NOVA1: variants seen among roughly 807,000 people sequenced by gnomAD.
NOVA1 encodes NOVA alternative splicing regulator 1, also known as RNA-binding protein Nova-1.
Under a neutral mutation model 38.0 loss-of-function variants are expected in NOVA1, and 7 were observed. That is an observed-to-expected ratio of 0.18 (90% CI 0.10 to 0.35). The LOEUF (loss-of-function observed/expected upper bound fraction) is 0.35, where lower values mean the gene tolerates loss of function less well. Among genes scored for constraint, NOVA1 ranks in the 10% least tolerant of loss-of-function variants. The pLI is 1.00. For missense variants in NOVA1, 460 were observed against 616.0 expected (o/e 0.75, Z 2.68); for synonymous variants, 270 against 232.5 (o/e 1.16, Z -1.47).
chr14:26,538,829 T>C (rs1481162727), intron 2 of NOVA1, among the ~76,000 whole-genome samples: 1 of 152,262 alleles, frequency 6.6e-6, no homozygotes, highest in East Asian at 1.9e-4. Flanking sequence ...TGATCTGGCC[T>C]GTACATTATC....
At chr14:26,547,087 T>G (rs1890837923) in intron 2 of NOVA1, among the ~76,000 whole-genome samples, 1 of 152,140 alleles carries the variant, frequency 6.6e-6, no homozygotes, top group Admixed American at 6.5e-5. Flanking sequence ...TTTTTCCTAT[T>G]ACAAATAGAA....
chr14:26,478,238 A>G (rs547233202), intron 3 of NOVA1, among the ~76,000 whole-genome samples: 1 of 152,082 alleles, frequency 6.6e-6, no homozygotes, highest in South Asian at 2.1e-4. Flanking sequence ...GCCATATAGC[A>G]AATTAGAATT....
rs796116248 is a variant in NOVA1, at chr14:26,504,685, T to G, written c.281-24542A>C. Among the ~76,000 whole-genome samples the G allele has an allele frequency of 1.8e-4, 27 of 152,194 alleles. 1 individual carries two copies. Among genetic ancestry groups the G allele is most frequent in the African/African-American group, 6.5e-4 (27 of 41,542 alleles). ...CTTCAGGTCAGTGACCTTGTATGAC[T>G]TTTTACTGTGATATCTTCAGTGCTT... On this transcript the variant is annotated intron_variant, in intron 2 of 4. Coordinates refer to ENST00000539517, the MANE Select transcript of NOVA1 (RefSeq NM_002515.3).
At chr14:26,456,725 T>A (rs1019880032) in intron 4 of NOVA1, among the ~76,000 whole-genome samples, 3 of 151,996 alleles carry the variant, frequency 2.0e-5, no homozygotes, top group Non-Finnish European at 4.4e-5. Flanking sequence ...CCTTATGCAA[T>A]TCTTCTGGGG....
At chr14:26,496,732 AC>A (rs1313987819) in intron 2 of NOVA1, among the ~76,000 whole-genome samples, 2 of 152,130 alleles carry the variant, frequency 1.3e-5, no homozygotes, top group African/African-American at 4.8e-5. Context: ...TTTTCCCAGC[AC>A]CATTTATTAA....
At chr14:26,594,236 T>G (rs146556110) in intron 2 of NOVA1, 13 of 152,124 alleles carry the variant, frequency 8.5e-5, no homozygotes, top group African/African-American at 3.1e-4. Flanking sequence ...ATACTACATT[T>G]AATTTGTAAA....
At chr14:26,497,268 T>G (rs1248732753) in intron 2 of NOVA1, among the ~76,000 whole-genome samples, 2 of 152,100 alleles carry the variant, frequency 1.3e-5, no homozygotes, top group Admixed American at 6.6e-5. Flanking sequence ...CAAGGAGAAC[T>G]ACAAACCACT....
chr14:26,507,188 C>A (rs1887701121), intron 2 of NOVA1, among the ~76,000 whole-genome samples: 1 of 151,936 alleles, frequency 6.6e-6, no homozygotes, highest in Non-Finnish European at 1.5e-5. Flanking sequence ...ATTAAGAAAT[C>A]CACTTAACGC....
At chr14:26,462,848 A>G (rs1402420801) in intron 4 of NOVA1, among the ~76,000 whole-genome samples, 2 of 152,198 alleles carry the variant, frequency 1.3e-5, no homozygotes, top group Admixed American at 6.5e-5. Context: ...AAAACATTGC[A>G]TATACCACAA....
At chr14:26,521,390 T>C (rs73601908) in intron 2 of NOVA1, among the ~76,000 whole-genome samples, 9,259 of 152,160 alleles carry the variant, frequency 0.061, 823 homozygotes, top group African/African-American at 0.19. Context: ...TTTTAGATCG[T>C]TTAATTGCTA....
rs140267044 is a variant in NOVA1, at chr14:26,570,068, C to A, written c.280+25342G>T. ...TTCAAATAAAAGTATAAACTAAGGCCGGATGCAGTGTCTCATGCCTGTAAT... is the reference window on the plus strand; with the variant it reads ...TTCAAATAAAAGTATAAACTAAGGCAGGATGCAGTGTCTCATGCCTGTAAT... On this transcript the variant is annotated intron_variant, in intron 2 of 4. Coordinates refer to ENST00000539517, the MANE Select transcript of NOVA1 (RefSeq NM_002515.3). Among the ~76,000 whole-genome samples, 25 of 152,138 alleles carry A rather than the reference C, an allele frequency of 1.6e-4. No homozygotes were observed. In the South Asian group the frequency reaches 2.9e-3, roughly 18 times the overall value.
intron 2 of NOVA1, among the ~76,000 whole-genome samples, chr14:26,500,159 T>C (rs1242730773): frequency 6.6e-6 from 1 of 152,058 alleles, no homozygotes; most frequent in Non-Finnish European, 1.5e-5. Flanking sequence ...TATGCTATAC[T>C]GTCCCATAAC....
chr14:26,468,659 T>C (rs1884344982), intron 4 of NOVA1, among the ~76,000 whole-genome samples: 1 of 152,174 alleles, frequency 6.6e-6, no homozygotes, highest in South Asian at 2.1e-4. Flanking sequence ...AATGACAGAA[T>C]TAAGAATCCA....
chr14:26,469,246 T>C (rs1884399432), intron 4 of NOVA1, among the ~76,000 whole-genome samples: 1 of 152,114 alleles, frequency 6.6e-6, no homozygotes, highest in Non-Finnish European at 1.5e-5. Context: ...GAAGAGCAAT[T>C]TTATGTATTT....
chr14:26,493,555 A>C (rs956218943), intron 2 of NOVA1, among the ~76,000 whole-genome samples: 1 of 152,174 alleles, frequency 6.6e-6, no homozygotes, highest in Admixed American at 6.5e-5. Context: ...ATGCACTATC[A>C]CAGGAATACA....
At chr14:26,515,657 C>G (rs868122428) in intron 2 of NOVA1, among the ~76,000 whole-genome samples, 9 of 151,794 alleles carry the variant, frequency 5.9e-5, no homozygotes, top group Admixed American at 2.6e-4. Context: ...TATCCTATGC[C>G]TACTAAAAAG....
intron 4 of NOVA1, among the ~76,000 whole-genome samples, chr14:26,456,431 G>T (rs1039468324): frequency 2.6e-5 from 4 of 151,868 alleles, no homozygotes; most frequent in African/African-American, 4.8e-5. Context: ...AGGAAGAGAT[G>T]AAATTATTTA....
rs148407428 is a variant in NOVA1, at chr14:26,530,187, C to T, written c.281-50044G>A. Among the ~76,000 whole-genome samples the T allele has an allele frequency of 4.4e-3, 677 of 152,226 alleles. 6 individuals carry two copies. The highest frequency in any genetic ancestry group is 0.015 in the African/African-American group (643 of 41,556). On this transcript the variant is annotated intron_variant, in intron 2 of 4. Coordinates refer to ENST00000539517, the MANE Select transcript of NOVA1 (RefSeq NM_002515.3). The stretch of plus-strand genomic sequence containing the variant: ...CCTGCCTCGGCCTTCCAAAGTGCTG[C>T]GATTACAGGCGTGAGCCACGCGCCC...
At chr14:26,502,110 T>C (rs1048080555) in intron 2 of NOVA1, among the ~76,000 whole-genome samples, 1 of 151,954 alleles carries the variant, frequency 6.6e-6, no homozygotes. Flanking sequence ...TGGGATATTA[T>C]TGAAACTGTA....
Sources: gnomAD v4.1 joint callset for allele counts (sites outside exome capture counted in the v4.1 genomes callset) on GRCh38, gnomAD v4.1.1 for gene constraint, MANE v1.5 for transcripts, NCBI Gene and HGNC (gene_info 2026-07-23, HGNC 2026-07-21) for gene names.